The following GLIS1 variants were observed in gnomAD, a reference collection of about 807,000 sequenced individuals.
The protein encoded by GLIS1 is GLIS family zinc finger 1, also known as zinc finger protein GLIS1.
GLIS1 carries 24 observed loss-of-function variants against 63.8 expected under a neutral mutation model. That is an observed-to-expected ratio of 0.38 (90% CI 0.27 to 0.53). The LOEUF (loss-of-function observed/expected upper bound fraction) is 0.53, where lower values mean the gene tolerates loss of function less well. Ranked by LOEUF, GLIS1 falls within the 20% of genes least tolerant of loss-of-function variation. The pLI is 0.85. For synonymous variants in GLIS1, 450 were observed against 482.5 expected, an observed-to-expected ratio of 0.93 and a Z score of 0.88; for missense variants, 1,036 against 1,074.1, an observed-to-expected ratio of 0.96 and a Z score of 0.50.
chr1:53,532,489 G>T (rs1303903517), intron 4 of GLIS1, among the ~76,000 whole-genome samples: 1 of 152,238 alleles, frequency 6.6e-6, no homozygotes. Context: ...TTTAGAAGCT[G>T]TTCTGCTTCC....
At chr1:53,592,724 A>G (rs1187562120) in intron 4 of GLIS1, among the ~76,000 whole-genome samples, 10 of 152,012 alleles carry the variant, frequency 6.6e-5, no homozygotes, top group African/African-American at 2.4e-4. Flanking sequence ...CACTCTCCCC[A>G]CCACTGCTCC....
chr1:53,600,294 C>T lies in GLIS1; in HGVS notation c.260-16G>A. ...CTCCCATTCACTAGGCAGAGAAAGA[C>T]AGGGAGAGAGGGACACAGTGAGTGG... is the stretch of plus-strand genomic sequence containing the variant. On this transcript the variant is annotated splice_polypyrimidine_tract_variant and intron_variant, in intron 2 of 10. Coordinates refer to ENST00000628545, the MANE Select transcript of GLIS1 (RefSeq NM_001367484.1). 8.1e-7 allele frequency: 1 copy of T among 1,231,134 alleles called. No homozygotes were observed. The highest frequency in any genetic ancestry group is 1.0e-6 in the Non-Finnish European group (1 of 987,086). The allele number at this position is 1,231,134 out of a possible 1,614,324, so 76.3% of individuals were successfully genotyped here.
At chr1:53,631,860 C>T (rs186744727) in intron 2 of GLIS1, among the ~76,000 whole-genome samples, 3 of 151,800 alleles carry the variant, frequency 2.0e-5, no homozygotes, top group African/African-American at 4.8e-5. Flanking sequence ...GAGCAGCAGA[C>T]CTTACTAATG....
intron 2 of GLIS1, among the ~76,000 whole-genome samples, chr1:53,699,926 G>A (rs903245237): frequency 3.9e-5 from 6 of 152,158 alleles, no homozygotes; most frequent in Non-Finnish European, 7.3e-5. Context: ...TCATATTGGT[G>A]GTTAGGGTTT....
rs141829579 is a variant in GLIS1 at position 53,630,068 on chromosome 1, A to G, written c.260-29790T>C. On this transcript the variant is annotated intron_variant, in intron 2 of 10. Transcript: ENST00000628545. The stretch of plus-strand genomic sequence containing the variant: ...CAACTTTCTATGTTATTGTGTGTGT[A>G]TGCATACACATACATACAGATATTT... Among the ~76,000 whole-genome samples the G allele has an allele frequency of 5.9e-5, 9 of 152,330 alleles. No individual in the cohort carries two copies. In the East Asian group the frequency reaches 1.7e-3, roughly 29 times the overall value.
chr1:53,664,066 T>C (rs1646061747), intron 2 of GLIS1, among the ~76,000 whole-genome samples: 1 of 152,208 alleles, frequency 6.6e-6, no homozygotes, highest in African/African-American at 2.4e-5. Context: ...GAACCCACTC[T>C]GCAGGGAGTC....
chr1:53,582,721 G>A (rs1167896384), intron 4 of GLIS1, among the ~76,000 whole-genome samples: 2 of 152,250 alleles, frequency 1.3e-5, no homozygotes, highest in East Asian at 3.8e-4. Context: ...ACACTGGCTG[G>A]GAGTGAGGGA....
chr1:53,562,773 G>A lies in GLIS1; in HGVS notation c.1320+31335C>T, dbSNP rs140441854. ...TTCCTCATTTGTCAATGGAGGTGAT[G>A]ACAGAGCCAGATCTGCGGGAGACAC... On this transcript the variant is annotated intron_variant, in intron 4 of 10. Coordinates refer to ENST00000628545, the MANE Select transcript of GLIS1 (RefSeq NM_001367484.1). Among the ~76,000 whole-genome samples the A allele has an allele frequency of 2.1e-3, 326 of 152,312 alleles. 1 individual carries two copies. The highest frequency in any genetic ancestry group is 3.8e-3 in the Non-Finnish European group (257 of 68,040).
chr1:53,637,218 A>G (rs1294747006), intron 2 of GLIS1, among the ~76,000 whole-genome samples: 1 of 111,212 alleles, frequency 9.0e-6, no homozygotes, highest in African/African-American at 2.5e-5. Context: ...AGAGCCCCAC[A>G]GGGGTCTGTG....
At position 53,526,137 on chromosome 1, in the gene GLIS1, A is replaced by G. The variant is rs1428389456; in HGVS notation, c.1483-1250T>C. On this transcript the variant is annotated intron_variant, in intron 5 of 10. Transcript: ENST00000628545. The surrounding 1 kb of genome is among the most constrained non-coding windows in gnomAD (Gnocchi z 4.4). ...CCCTGCTGGGACTGCAGGGGACAGG[A>G]GAAGGATTGGAGGAAATGACACCTC... Among the ~76,000 whole-genome samples the G allele has an allele frequency of 6.6e-6, 1 of 152,080 alleles. No individual in the cohort carries two copies. The highest frequency in any genetic ancestry group is 1.5e-5 in the Non-Finnish European group (1 of 68,002).
chr1:53,709,377 CATATAT>C (rs1205744427), intron 2 of GLIS1, among the ~76,000 whole-genome samples: 788 of 58,778 alleles, frequency 0.013, 12 homozygotes, highest in African/African-American at 0.05. Context: ...TATATATATA[CATATAT>C]ACATATATAT....
intron 4 of GLIS1, among the ~76,000 whole-genome samples, chr1:53,531,191 C>T (rs1446868935): frequency 2.0e-5 from 3 of 152,226 alleles, no homozygotes; most frequent in African/African-American, 4.8e-5. Flanking sequence ...AGGCTGGCCC[C>T]CTCTCATGAG....
At chr1:53,707,163 G>A (rs1646587311) in intron 2 of GLIS1, among the ~76,000 whole-genome samples, 1 of 152,124 alleles carries the variant, frequency 6.6e-6, no homozygotes, top group Non-Finnish European at 1.5e-5. Flanking sequence ...AGGCTGTTTT[G>A]AAGCCCTGAA....
At chr1:53,605,404 TG>T (rs1412937064) in intron 2 of GLIS1, among the ~76,000 whole-genome samples, 1 of 152,182 alleles carries the variant, frequency 6.6e-6, no homozygotes, top group Non-Finnish European at 1.5e-5. Flanking sequence ...CCTCCTGGAA[TG>T]GTGCTTGGTC....
chr1:53,509,378 T>G (rs1644273488), intron 9 of GLIS1, 91 bp from the exon 10 acceptor site: 1 of 1,286,938 alleles, frequency 7.8e-7, no homozygotes, highest in African/African-American at 1.5e-5. Context: ...CCACCTCCCG[T>G]GTTGTCCTGT....
At chr1:53,605,514 C>G (rs1645361127) in intron 2 of GLIS1, among the ~76,000 whole-genome samples, 1 of 152,234 alleles carries the variant, frequency 6.6e-6, no homozygotes. Flanking sequence ...GCACATCCAG[C>G]ACGTGCCAAA....
In GLIS1 at chr1:53,506,456, G is replaced by T; in HGVS notation, c.*163C>A. On this transcript the variant is annotated 3_prime_UTR_variant, in exon 11 of 11. Coordinates refer to ENST00000628545, the MANE Select transcript of GLIS1 (RefSeq NM_001367484.1). Reference sequence around the variant, plus strand: ...GCTCAAGCTCGGATGGCGGCTCCCTGGCAGCGCTGGGTGGGGTGGCAGCGC... The same window carrying T: ...GCTCAAGCTCGGATGGCGGCTCCCTTGCAGCGCTGGGTGGGGTGGCAGCGC... 1.4e-6 allele frequency: 1 copy of T among 694,670 alleles called. No individual in the cohort carries two copies. Among genetic ancestry groups the T allele is most frequent in the Non-Finnish European group, 2.4e-6 (1 of 421,784 alleles). 43.0% of individuals were successfully genotyped at this position (694,670 alleles called of 1,614,324 possible).
intron 2 of GLIS1, among the ~76,000 whole-genome samples, chr1:53,619,879 C>A (rs576184558): frequency 2.6e-4 from 40 of 152,324 alleles, no homozygotes; most frequent in African/African-American, 9.6e-4. Context: ...ACACTGGGGC[C>A]AGTGGCCAAG....
intron 2 of GLIS1, among the ~76,000 whole-genome samples, chr1:53,700,521 C>T (rs1310010367): frequency 3.9e-5 from 6 of 152,132 alleles, no homozygotes; most frequent in Non-Finnish European, 8.8e-5. Context: ...ATGGCCTCTG[C>T]TCGTGTAAAT....
Sources: gnomAD v4.1 joint callset for allele counts (sites outside exome capture counted in the v4.1 genomes callset) on GRCh38, gnomAD v4.1.1 for gene constraint, Gnocchi (gnomAD v3.1) non-coding constraint, MANE v1.5 for transcripts, NCBI Gene and HGNC (gene_info 2026-07-23, HGNC 2026-07-21) for gene names.